The following FAM227B variants were observed in gnomAD, a reference collection of about 807,000 sequenced individuals.
The protein encoded by FAM227B is protein FAM227B.
FAM227B carries 88 observed loss-of-function variants against 73.8 expected under a neutral mutation model. The observed-to-expected ratio is 1.19, with a 90% CI of 1.00 to 1.42. The LOEUF (loss-of-function observed/expected upper bound fraction) is 1.42, where lower values mean the gene tolerates loss of function less well. Ranked by LOEUF, FAM227B falls within the 40% of genes most tolerant of loss-of-function variation. FAM227B has a pLI of 0.00. For missense variants in FAM227B, 632 were observed against 590.9 expected (o/e 1.07, Z -0.72); for synonymous variants, 210 against 190.5 (o/e 1.10, Z -0.84).
chr15:49,497,240 G>T (rs1484206670), intron 11 of FAM227B, among the ~76,000 whole-genome samples: 1 of 152,144 alleles, frequency 6.6e-6, no homozygotes, highest in Non-Finnish European at 1.5e-5. Flanking sequence ...AAACATTAGG[G>T]ACTATAGTAT....
chr15:49,563,964 C>T (rs190069406), intron 9 of FAM227B, among the ~76,000 whole-genome samples: 1 of 152,192 alleles, frequency 6.6e-6, no homozygotes, highest in African/African-American at 2.4e-5. Flanking sequence ...AAAGCAACTA[C>T]AACAAAAATA....
intron 9 of FAM227B, among the ~76,000 whole-genome samples, chr15:49,560,650 G>C (rs2074175313): frequency 1.3e-5 from 2 of 152,094 alleles, no homozygotes; most frequent in South Asian, 4.1e-4. Flanking sequence ...TATGTATGAA[G>C]GGAATCTCAT....
intron 11 of FAM227B, among the ~76,000 whole-genome samples, chr15:49,493,894 G>A (rs2057352535): frequency 7.1e-6 from 1 of 140,058 alleles, no homozygotes; most frequent in African/African-American, 2.7e-5. Context: ...ATATATGTGT[G>A]TGTGTGTATG....
At chr15:49,597,255 A>G (rs922760419) in intron 3 of FAM227B, among the ~76,000 whole-genome samples, 2 of 152,010 alleles carry the variant, frequency 1.3e-5, no homozygotes, top group African/African-American at 2.4e-5. Flanking sequence ...CAAGAAAATC[A>G]AAATTACATA....
intron 11 of FAM227B, chr15:49,424,617 G>A: frequency 6.8e-7 from 1 of 1,478,418 alleles, no homozygotes; most frequent in Non-Finnish European, 9.1e-7. Flanking sequence ...ATGAACCTTA[G>A]CAATCTGTTA....
intron 11 of FAM227B, among the ~76,000 whole-genome samples, chr15:49,506,365 A>T (rs190385037): frequency 7.2e-5 from 11 of 152,224 alleles, no homozygotes; most frequent in Admixed American, 5.2e-4. Context: ...CTAAGTTCAT[A>T]GAATGTATAA....
chr15:49,415,379 G>A (rs976839655), intron 11 of FAM227B, among the ~76,000 whole-genome samples: 12 of 152,224 alleles, frequency 7.9e-5, no homozygotes, highest in African/African-American at 2.6e-4. Flanking sequence ...ATGGCATGAA[G>A]CTGTCAAAAC....
intron 11 of FAM227B, chr15:49,422,630 C>T (rs1011351379): frequency 3.9e-5 from 43 of 1,104,448 alleles, no homozygotes; most frequent in Non-Finnish European, 5.6e-5. Context: ...AGCTGAGACT[C>T]TGGAACAGCA....
At chr15:49,420,386 G>A (rs1284890155) in intron 11 of FAM227B, among the ~76,000 whole-genome samples, 1 of 151,628 alleles carries the variant, frequency 6.6e-6, no homozygotes, top group African/African-American at 2.4e-5. Flanking sequence ...AATGAGATAG[G>A]AAGATTTTTC....
intron 8 of FAM227B, among the ~76,000 whole-genome samples, chr15:49,571,392 C>A (rs759511521): frequency 7.2e-5 from 11 of 151,786 alleles, no homozygotes; most frequent in Non-Finnish European, 1.5e-4. Flanking sequence ...GCTTTTGTTG[C>A]CTGTACATTT....
intron 11 of FAM227B, among the ~76,000 whole-genome samples, chr15:49,392,210 CTG>C (rs749254313): frequency 4.6e-5 from 7 of 152,206 alleles, no homozygotes; most frequent in Admixed American, 6.5e-5. Flanking sequence ...GCAAAAGAGA[CTG>C]TGAACTGAAC....
chr15:49,374,895 TCTGA>T (rs1419473886), intron 11 of FAM227B, among the ~76,000 whole-genome samples: 22 of 152,354 alleles, frequency 1.4e-4, no homozygotes, highest in African/African-American at 4.1e-4. Flanking sequence ...ATCATGCTTC[TCTGA>T]CTGTTTCAGA....
intron 11 of FAM227B, among the ~76,000 whole-genome samples, chr15:49,419,405 C>A (rs2049437385): frequency 6.6e-6 from 1 of 152,162 alleles, no homozygotes; most frequent in South Asian, 2.1e-4. Context: ...ATGTTTTACC[C>A]TAGTCAGGAA....
intron 13 of FAM227B, among the ~76,000 whole-genome samples, chr15:49,351,466 A>G (rs1377361851): frequency 1.3e-5 from 2 of 152,190 alleles, no homozygotes; most frequent in African/African-American, 4.8e-5. Flanking sequence ...TGTAATTCCC[A>G]TATAGTTTTT....
intron 14 of FAM227B, among the ~76,000 whole-genome samples, chr15:49,332,318 A>G (rs1229745761): frequency 1.3e-5 from 2 of 152,184 alleles, no homozygotes; most frequent in Non-Finnish European, 2.9e-5. Flanking sequence ...GTGGGGAGAG[A>G]AGAGTAAAAG....
chr15:49,357,792 A>T (rs2043436511), intron 13 of FAM227B, among the ~76,000 whole-genome samples: 1 of 152,112 alleles, frequency 6.6e-6, no homozygotes, highest in Non-Finnish European at 1.5e-5. Context: ...AAAAAAAGAG[A>T]ATTTTAGACC....
At chr15:49,384,223 T>C (rs988001809) in intron 11 of FAM227B, among the ~76,000 whole-genome samples, 1 of 152,074 alleles carries the variant, frequency 6.6e-6, no homozygotes, top group Non-Finnish European at 1.5e-5. Context: ...TTCAAGCCGA[T>C]TTGTGTTACA....
At chr15:49,362,842 T>C (rs2044485020) in intron 13 of FAM227B, among the ~76,000 whole-genome samples, 1 of 152,174 alleles carries the variant, frequency 6.6e-6, no homozygotes, top group South Asian at 2.1e-4. Context: ...CTTCTGCATA[T>C]AGCTAGCCAG....
intron 10 of FAM227B, among the ~76,000 whole-genome samples, chr15:49,510,476 C>T (rs936874807): frequency 6.6e-6 from 1 of 152,080 alleles, no homozygotes; most frequent in African/African-American, 2.4e-5. Flanking sequence ...CTGCTCCCCC[C>T]ACTATTGTCT....
Sources: allele counts gnomAD v4.1 joint callset (sites outside exome capture counted in the v4.1 genomes callset), GRCh38; gene constraint gnomAD v4.1.1; transcripts MANE v1.5; gene names NCBI Gene and HGNC (gene_info 2026-07-23, HGNC 2026-07-21).